The following UXT variants were observed in gnomAD, a reference collection of about 807,000 sequenced individuals.
UXT encodes the protein ubiquitously expressed prefoldin like chaperone.
For missense variants in UXT, 111 were observed against 132.7 expected (o/e 0.84, Z 0.80); for synonymous variants, 54 against 52.8 (o/e 1.02, Z -0.10).
In UXT at chrX:47,657,363, C is replaced by A. The variant is rs1004106888; in HGVS notation, c.285-73G>T. ...TTTAGCATAGTTTATGTTTTGCTCC[C>A]CACCCTTCCCCAAATTGAGGCTCTG... is the stretch of plus-strand genomic sequence containing the variant. On this transcript the variant is annotated intron_variant, in intron 3 of 5. Transcript: ENST00000335890. 137 of 932,115 alleles carry A rather than the reference C, an allele frequency of 1.5e-4. 1 individual carries two copies. Among genetic ancestry groups the A allele is most frequent in the Non-Finnish European group, 1.8e-4 (122 of 668,587 alleles). The allele number at this position is 932,115 out of a possible 1,213,427, so 76.8% of individuals were successfully genotyped here. A position where few individuals can be genotyped will look rare whatever the true frequency, so the allele number is the denominator to read the frequency against.
At chrX:47,657,700 G>T in intron 2 of UXT, 61 bp from the exon 4 acceptor site, 1 of 1,185,656 alleles carries the variant, frequency 8.4e-7, no homozygotes. Flanking sequence ...AGGTGACAGG[G>T]TTGGGTCTGG....
At chrX:47,658,433 C>T (rs2058090993) in intron 1 of UXT, among the ~76,000 whole-genome samples, 1 of 111,823 alleles carries the variant, frequency 8.9e-6, no homozygotes, top group Admixed American at 9.4e-5. Context: ...AGATGGGACA[C>T]ATCAAAAACT....
At chrX:47,652,642 A>C (rs2058071594) in intron 4 of UXT, among the ~76,000 whole-genome samples, 1 of 112,135 alleles carries the variant, frequency 8.9e-6, no homozygotes, top group East Asian at 2.8e-4. Flanking sequence ...CAGCAAACAC[A>C]AAGGCACTGA....
chrX:47,656,677 C>T (rs1569342878), intron 4 of UXT, among the ~76,000 whole-genome samples: 1 of 111,328 alleles, frequency 9.0e-6, no homozygotes, highest in Non-Finnish European at 1.9e-5. Flanking sequence ...AGAACAGCTA[C>T]AGCAATATCC....
chrX:47,653,728 G>GT (rs200292034), intron 4 of UXT, among the ~76,000 whole-genome samples: 15 of 110,008 alleles, frequency 1.4e-4, no homozygotes, highest in Middle Eastern at 4.7e-3. Flanking sequence ...GGCAGATTTT[G>GT]TTTTTTTTTG....
At chrX:47,657,036 G>C (rs2058085847) in intron 4 of UXT, 147 bp downstream of exon 5, 2 of 472,794 alleles carry the variant, frequency 4.2e-6, no homozygotes, top group East Asian at 7.4e-5. Flanking sequence ...GCTACACATG[G>C]GCTTTGCAAC....
chrX:47,657,977 G>A (rs1189351712), intron 1 of UXT, 114 bp from the exon 3 acceptor site: 5 of 582,504 alleles, frequency 8.6e-6, no homozygotes, highest in Non-Finnish European at 1.2e-5. Flanking sequence ...AGGCTTTTTA[G>A]TGCATAAGTT....
chrX:47,657,730 C>T, intron 2 of UXT, 52 bp downstream of exon 3: 1 of 1,185,870 alleles, frequency 8.4e-7, no homozygotes, highest in Non-Finnish European at 1.1e-6. Context: ...TCCCATTTCC[C>T]TCCCTTGCCC....
intron 4 of UXT, among the ~76,000 whole-genome samples, chrX:47,656,962 G>A (rs1465233720): frequency 1.6e-4 from 18 of 112,173 alleles, no homozygotes; most frequent in Admixed American, 1.6e-3. Flanking sequence ...GCATACAGAA[G>A]ATGCCCAATA....
intron 4 of UXT, among the ~76,000 whole-genome samples, chrX:47,656,867 A>C (rs973470185): frequency 4.5e-5 from 5 of 112,268 alleles, no homozygotes; most frequent in African/African-American, 1.6e-4. Flanking sequence ...TATGTATAAC[A>C]GTATAGTCCT....
chrX:47,657,875 A>G lies in UXT; in HGVS notation c.135-12T>C. 1.8e-6 allele frequency: 2 copies of G among 1,133,331 alleles called. No individual in the cohort carries two copies. The highest frequency in any genetic ancestry group is 2.2e-5 in the South Asian group (1 of 45,049). The allele number at this position is 1,133,331 out of a possible 1,213,427, so 93.4% of individuals were successfully genotyped here. On this transcript the variant is annotated splice_polypyrimidine_tract_variant and intron_variant, in intron 1 of 5. Transcript: ENST00000335890. ...GGTCCAGCACCTTTCTGATGGGACG[A>G]AAGTACAATGGTGACCAATAGGCAG...
intron 4 of UXT, among the ~76,000 whole-genome samples, chrX:47,654,879 G>A (rs2058079010): frequency 8.9e-6 from 1 of 112,344 alleles, no homozygotes; most frequent in African/African-American, 3.2e-5. Context: ...GGCAGGCACT[G>A]ACAATTTAAA....
intron 4 of UXT, among the ~76,000 whole-genome samples, chrX:47,656,864 A>AATACAT (rs962453707): frequency 8.9e-6 from 1 of 112,226 alleles, no homozygotes; most frequent in Admixed American, 9.4e-5. Flanking sequence ...ATTTATGTAT[A>AATACAT]ACAGTATAGT....
intron 4 of UXT, 123 bp downstream of exon 5, chrX:47,657,060 C>T: frequency 3.6e-6 from 2 of 561,145 alleles, no homozygotes; most frequent in Non-Finnish European, 5.7e-6. Context: ...ATTTCTTCAG[C>T]CCCAGCTCTG....
At position 47,657,220 on chromosome X, in the gene UXT, G is replaced by C; in HGVS notation, c.355C>G (p.Leu119Val). 8.3e-7 allele frequency: 1 copy of C among 1,207,977 alleles called. No homozygotes were observed. Among genetic ancestry groups the C allele is most frequent in the Non-Finnish European group, 1.1e-6 (1 of 893,551 alleles). Residue 119 changes from leucine to valine, a missense_variant, in exon 4 of 6, where the codon CTC becomes GTC. Leu to Val is a conservative substitution (Grantham distance 32). Coordinates refer to ENST00000335890, the MANE Select transcript of UXT (RefSeq NM_153477.3). ...GAGCTCTTACGATCAATGAACTTGA[G>C]AGCTTCTGCCAGTGTCAACTCCAGG...
At chrX:47,655,891 G>C (rs139788253) in intron 4 of UXT, among the ~76,000 whole-genome samples, 2,016 of 112,282 alleles carry the variant, frequency 0.018, 20 homozygotes, top group Middle Eastern at 0.055. Flanking sequence ...GTCCAGGACG[G>C]CTTTGAATGC....
At chrX:47,655,942 GA>G (rs2058082110) in intron 4 of UXT, among the ~76,000 whole-genome samples, 1 of 111,758 alleles carries the variant, frequency 8.9e-6, no homozygotes, top group Admixed American at 9.5e-5. Flanking sequence ...AACATTATGT[GA>G]TTTTTTTTTG....
At position 47,652,725 on chromosome X, in the gene UXT, G is replaced by A. The variant is rs1347155354; in HGVS notation, c.393-581C>T. On this transcript the variant is annotated intron_variant, in intron 4 of 5. Transcript: ENST00000335890. ...TGGCTGGAGAAGAATAAGTGAAGGG[G>A]GAATGTAAGAGGTGAGGTCAGAGAG... Among the ~76,000 whole-genome samples the A allele has an allele frequency of 2.7e-5, 3 of 110,620 alleles. No individual in the cohort carries two copies. In the Admixed American group the frequency reaches 2.9e-4, roughly 11 times the overall value.
In UXT at chrX:47,659,077, G is replaced by C; in HGVS notation, c.-114C>G. On this transcript the variant is annotated 5_prime_UTR_variant, in exon 1 of 6. Coordinates refer to ENST00000335890, the MANE Select transcript of UXT (RefSeq NM_153477.3). ...AGCCTTCCGCCCCTCCCAACTCGGG[G>C]ACCCGACCACCCAGGGACACCCAAG... 1 of 1,106,828 alleles carries C rather than the reference G, an allele frequency of 9.0e-7. No individual in the cohort carries two copies. Among genetic ancestry groups the C allele is most frequent in the Admixed American group, 2.3e-5 (1 of 42,585 alleles). 91.2% of individuals were successfully genotyped at this position (1,106,828 alleles called of 1,213,427 possible).
Sources: gnomAD v4.1 joint callset for allele counts (sites outside exome capture counted in the v4.1 genomes callset) on GRCh38, gnomAD v4.1.1 for gene constraint, MANE v1.5 for transcripts, NCBI Gene and HGNC (gene_info 2026-07-23, HGNC 2026-07-21) for gene names.